The following TLR9 variants were observed in gnomAD, a reference collection of about 807,000 sequenced individuals.
TLR9 encodes the protein toll-like receptor 9.
In TLR9, 19 loss-of-function variants were observed where a neutral mutation model predicts 24.6. The observed-to-expected ratio is 0.77, with a 90% confidence interval of 0.54 to 1.13. The LOEUF (loss-of-function observed/expected upper bound fraction) is 1.13. TLR9 is among the 50% of genes most tolerant of loss of function. TLR9 has a pLI of 0.00. For missense variants in TLR9, 1,065 were observed against 1,379.6 expected, an observed-to-expected ratio of 0.77 and a Z score of 3.61; for synonymous variants, 579 against 609.8, an observed-to-expected ratio of 0.95 and a Z score of 0.74.
In TLR9 at chr3:52,221,621, G is replaced by A. The variant is rs781058107; in HGVS notation, c.2695C>T (p.Arg899Cys). 1.2e-6 allele frequency: 2 copies of A among 1,613,682 alleles called. No homozygotes were observed. Among genetic ancestry groups the A allele is most frequent in the South Asian group, 1.1e-5 (1 of 91,076 alleles). Residue 899 changes from arginine (R) to cysteine (C), a missense_variant, in exon 2 of 2, where the codon CGT becomes TGT. Coordinates refer to ENST00000360658, the MANE Select transcript of TLR9 (RefSeq NM_017442.4). The surrounding 1 kb of genome is among the most constrained non-coding windows in gnomAD (Gnocchi z 9.9). ...CACAGGCGGAGTGCCCAGCGCCCAC[G>A]GCACTCCTCCAGCTGCCCCCGAAGC... ...NELRGQLEEC[R>C]GRWALRLCLE...
chr3:52,221,941 C>T lies in TLR9; in HGVS notation c.2375G>A (p.Ser792Asn). ...PGLPSRVKCG[S>N]PGQLQGLSIF... is the part of the protein sequence containing the mutation. ...GCTGAGGCCCTGGAGCTGGCCCGGA[C>T]TGCCACACTTCACCCGGCTGGGCAG... The change falls in exon 2 of 2, where the codon AGT becomes AAT. Residue 792 changes from serine (S) to asparagine (N), a missense_variant. Transcript: ENST00000360658. The surrounding 1 kb of genome is among the most constrained non-coding windows in gnomAD (Gnocchi z 9.9). The T allele has an allele frequency of 6.2e-7, 1 of 1,612,254 alleles. No individual in the cohort carries two copies. The highest frequency in any genetic ancestry group is 8.5e-7 in the Non-Finnish European group (1 of 1,179,274).
rs55653700 is a variant in TLR9 at position 52,224,344 on chromosome 3, G to A, written c.4-32C>T. The A allele has an allele frequency of 7.2e-5, 109 of 1,519,912 alleles. No individual in the cohort carries two copies. In the South Asian group the frequency reaches 9.3e-4, roughly 13 times the overall value. The allele number at this position is 1,519,912 out of a possible 1,614,324, so 94.2% of individuals were successfully genotyped here. A position where few individuals can be genotyped will look rare whatever the true frequency, so the allele number is the denominator to read the frequency against. ...GGGTGGGAGGGCTGTGTGAGTGGCC[G>A]GCCCCCAGCTCTACCTCCACCCACT... On this transcript the variant is annotated intron_variant, in intron 1 of 1. Coordinates refer to ENST00000360658, the MANE Select transcript of TLR9 (RefSeq NM_017442.4).
rs267599888 is a variant in TLR9 at position 52,222,776 on chromosome 3, C to T, written c.1540G>A (p.Gly514Ser). 1 of 1,614,070 alleles carries T rather than the reference C, an allele frequency of 6.2e-7. No individual in the cohort carries two copies. Among genetic ancestry groups the T allele is most frequent in the East Asian group, 2.2e-5 (1 of 44,894 alleles). ...SHNCISQAVN[G>S]SQFLPLTGLQ... ...CCGGTCAGCGGCAGGAACTGGGAGC[C>T]ATTGACTGCCTGCGAGATGCAGTTG... Residue 514 changes from glycine (G) to serine (S), a missense_variant, in exon 2 of 2, where the codon GGC (glycine) becomes AGC (serine). Gly to Ser is a moderately conservative substitution (Grantham distance 56). Transcript: ENST00000360658.
At chr3:52,225,494 C>G (rs1699611475) in intron 1 of TLR9, 33 bp downstream of exon 1, 1 of 1,600,940 alleles carries the variant, frequency 6.2e-7, no homozygotes. Context: ...CAGGATATCC[C>G]CTTCCCCAGG....
rs1699566884 is a variant in TLR9, at chr3:52,222,242, G to T, written c.2074C>A (p.Leu692Met). 1 of 1,614,092 alleles carries T rather than the reference G, an allele frequency of 6.2e-7. No homozygotes were observed. The highest frequency in any genetic ancestry group is 1.7e-5 in the Admixed American group (1 of 60,010). The change falls in exon 2 of 2, where the codon CTG becomes ATG. Residue 692 changes from leucine (L) to methionine (M), a missense_variant. Coordinates refer to ENST00000360658, the MANE Select transcript of TLR9 (RefSeq NM_017442.4). ...CCAGCAGGCAGGCTGCCATTGGTCAGGGCCTTCAGCTGGTTTCCTGCCAGG... is the reference window on the plus strand; with the variant it reads ...CCAGCAGGCAGGCTGCCATTGGTCATGGCCTTCAGCTGGTTTCCTGCCAGG... The part of the protein sequence containing the change: ...LDLAGNQLKA[L>M]TNGSLPAGTR...
rs1699585185 is a variant in TLR9 at position 52,223,374 on chromosome 3, G to A, written c.942C>T (p.Asp314=). ...FRGLGNLRVL[D]LSENFLYKCI... ...ATTTGTAGAGGAAGTTCTCACTCAG[G>A]TCCAGCACTCGGAGGTTTCCCAGCC... The change falls in exon 2 of 2, where the codon GAC becomes GAT. Residue 314 remains aspartate, a synonymous_variant. Coordinates refer to ENST00000360658, the MANE Select transcript of TLR9 (RefSeq NM_017442.4). 8 of 1,614,092 alleles carry A rather than the reference G, an allele frequency of 5.0e-6. No homozygotes were observed. Among genetic ancestry groups the A allele is most frequent in the South Asian group, 3.3e-5 (3 of 91,086 alleles).
At position 52,223,962 on chromosome 3, in the gene TLR9, G is replaced by T; in HGVS notation, c.354C>A (p.Thr118=). The change falls in exon 2 of 2, where the codon ACC becomes ACA. Residue 118 remains threonine, a synonymous_variant. Transcript: ENST00000360658. ...CTTCCAGGGTGGGCACAGCCAAGAA[G>T]GTGCTGGGCTCGATGGTCATGTGGC... ...FPCHMTIEPS[T]FLAVPTLEEL... 1 of 1,593,320 alleles carries T rather than the reference G, an allele frequency of 6.3e-7. No individual in the cohort carries two copies. Among genetic ancestry groups the T allele is most frequent in the South Asian group, 1.1e-5 (1 of 88,900 alleles).
Position 52,223,669 on chromosome 3 carries a change from C to T in TLR9, c.647G>A (p.Arg216His), listed in dbSNP as rs749495421. 6.9e-6 allele frequency: 11 copies of T among 1,595,882 alleles called. No homozygotes were observed. In the East Asian group the frequency reaches 9.0e-5, roughly 13 times the overall value. ...ATACTCCAGGCTGGAAGGCAGGTTGCGGGGCACCACAGTGAGGTTGTTGTA... is the reference window on the plus strand; with the variant it reads ...ATACTCCAGGCTGGAAGGCAGGTTGTGGGGCACCACAGTGAGGTTGTTGTA... ...LKYNNLTVVP[R>H]NLPSSLEYLL... The change falls in exon 2 of 2, where the codon CGC (arginine) becomes CAC (histidine). Residue 216 changes from arginine (R) to histidine (H), a missense_variant. Physicochemically the swap from Arg to His is conservative, Grantham distance 29. Transcript: ENST00000360658.
chr3:52,222,530 A>T lies in TLR9; in HGVS notation c.1786T>A (p.Cys596Ser). 1 of 1,614,206 alleles carries T rather than the reference A, an allele frequency of 6.2e-7. No individual in the cohort carries two copies. The change falls in exon 2 of 2, where the codon TGC (cysteine) becomes AGC (serine). Residue 596 changes from cysteine to serine, a missense_variant. Physicochemically the swap from Cys to Ser is moderately radical, Grantham distance 112 (BLOSUM62 -1). Coordinates refer to ENST00000360658, the MANE Select transcript of TLR9 (RefSeq NM_017442.4). ...NIHSQVSQQL[C>S]STSLRALDFS... ...TCCAGGGCCCGCAGCGACGTACTGC[A>T]GAGCTGCTGGGACACTTGGCTGTGG...
In TLR9 at chr3:52,223,740, C is replaced by T. The variant is rs763698233; in HGVS notation, c.576G>A (p.Pro192=). ...GGTTGCCCAGGCCAAGGAGGGCACC[C>T]GGGGCCACCTCCAGTGCCTGCCTGC... ...NPCRQALEVA[P]GALLGLGNLT... The change falls in exon 2 of 2, where the codon CCG becomes CCA. Residue 192 remains proline (P), a synonymous_variant. Coordinates refer to ENST00000360658, the MANE Select transcript of TLR9 (RefSeq NM_017442.4). The T allele has an allele frequency of 1.9e-5, 30 of 1,570,824 alleles. No individual in the cohort carries two copies. Among genetic ancestry groups the T allele is most frequent in the Admixed American group, 5.5e-5 (3 of 54,278 alleles).
At position 52,221,145 on chromosome 3, in the gene TLR9, G is replaced by C; in HGVS notation, c.*72C>G. ...GGTGTGGGGTGAGGGAGGCGAGCAG[G>C]GGAGGGTCAGACCAGGCAGGCAGAG... is the stretch of plus-strand genomic sequence containing the variant. On this transcript the variant is annotated 3_prime_UTR_variant, in exon 2 of 2. Transcript: ENST00000360658. This position sits in a 1 kb window ranked among gnomAD's most constrained non-coding sequence, Gnocchi z 9.9. The C allele has an allele frequency of 3.6e-6, 5 of 1,402,352 alleles. No individual in the cohort carries two copies. The highest frequency in any genetic ancestry group is 4.8e-6 in the Non-Finnish European group (5 of 1,040,602). The allele number at this position is 1,402,352 out of a possible 1,614,324, so 86.9% of individuals were successfully genotyped here. A position where few individuals can be genotyped will look rare whatever the true frequency, so the allele number is the denominator to read the frequency against.
At chr3:52,224,943 G>A (rs1282466234) in intron 1 of TLR9, among the ~76,000 whole-genome samples, 1 of 152,226 alleles carries the variant, frequency 6.6e-6, no homozygotes, top group African/African-American at 2.4e-5. Context: ...GACAGAGCCA[G>A]CCCCAAGCTA....
rs1455049195 is a variant in TLR9 at position 52,222,746 on chromosome 3, G to A, written c.1570C>T (p.Gln524Ter). Residue 524 changes from glutamine (Q) to a stop codon, truncating the protein, a stop_gained, in exon 2 of 2, where the codon CAG becomes TAG. Transcript: ENST00000360658. LOFTEE classifies it low-confidence loss of function (END_TRUNC). ...GSQFLPLTGL[Q>*]VLDLSHNKLD... ...TTATTGTGGGACAGGTCTAGCACCT[G>A]CAGACCGGTCAGCGGCAGGAACTGG... 1 of 1,613,944 alleles carries A rather than the reference G, an allele frequency of 6.2e-7. No individual in the cohort carries two copies. Among genetic ancestry groups the A allele is most frequent in the Middle Eastern group, 1.7e-4 (1 of 6,060 alleles).
Position 52,224,068 on chromosome 3 carries a change from A to G in TLR9, c.248T>C (p.Phe83Ser), listed in dbSNP as rs751767849. ...NRIHHLHDSDFAHLPSLRHLN... is the reference protein window; with the variant it reads ...NRIHHLHDSDSAHLPSLRHLN... ...ATGCCGCAGGCTGGGCAGGTGGGCAAAGTCAGAATCATGGAGGTGGTGGAT... is the reference window on the plus strand; with the variant it reads ...ATGCCGCAGGCTGGGCAGGTGGGCAGAGTCAGAATCATGGAGGTGGTGGAT... Residue 83 changes from phenylalanine (F) to serine (S), a missense_variant, in exon 2 of 2, where the codon TTT becomes TCT. Coordinates refer to ENST00000360658, the MANE Select transcript of TLR9 (RefSeq NM_017442.4). The G allele has an allele frequency of 2.5e-6, 4 of 1,571,098 alleles. No individual in the cohort carries two copies. The East Asian group carries it at 9.0e-5, about 35-fold the overall frequency.
rs575749155 is a variant in TLR9 at position 52,222,732 on chromosome 3, C to T, written c.1584G>A (p.Leu528=). ...GGTAGAGGTCCAGCTTATTGTGGGA[C>T]AGGTCTAGCACCTGCAGACCGGTCA... The part of the protein sequence containing the change: ...LPLTGLQVLD[L]SHNKLDLYHE... The change falls in exon 2 of 2, where the codon CTG becomes CTA. Residue 528 remains leucine (L), a synonymous_variant. Coordinates refer to ENST00000360658, the MANE Select transcript of TLR9 (RefSeq NM_017442.4). The T allele has an allele frequency of 1.2e-6, 2 of 1,613,930 alleles. No homozygotes were observed. The highest frequency in any genetic ancestry group is 2.2e-5 in the South Asian group (2 of 91,088).
In TLR9 at chr3:52,223,709, G is replaced by A; in HGVS notation, c.607C>T (p.His203Tyr). 1 of 1,593,160 alleles carries A rather than the reference G, an allele frequency of 6.3e-7. No homozygotes were observed. The highest frequency in any genetic ancestry group is 8.6e-7 in the Non-Finnish European group (1 of 1,168,730). The change falls in exon 2 of 2, where the codon CAC becomes TAC. Residue 203 changes from histidine (H) to tyrosine (Y), a missense_variant. His to Tyr is a moderately conservative substitution (Grantham distance 83). Transcript: ENST00000360658. ...GALLGLGNLT[H>Y]LSLKYNNLTV... is the part of the protein sequence containing the mutation. ...AGGTTGTTGTACTTGAGTGACAGGT[G>A]GGTGAGGTTGCCCAGGCCAAGGAGG...
At position 52,221,327 on chromosome 3, in the gene TLR9, G is replaced by A. The variant is rs1577979246; in HGVS notation, c.2989C>T (p.His997Tyr). The change falls in exon 2 of 2, where the codon CAC becomes TAC. Residue 997 changes from histidine (H) to tyrosine (Y), a missense_variant. Transcript: ENST00000360658. This position sits in a 1 kb window ranked among gnomAD's most constrained non-coding sequence, Gnocchi z 9.9. The stretch of plus-strand genomic sequence containing the variant: ...AAGCTGCGCTGACCACTGGGCTGGT[G>A]GGGCCAGAGGAGGACACTCTGGCGG... ...LCRQSVLLWP[H>Y]QPSGQRSFWA... is the part of the protein sequence containing the mutation. 13 of 1,569,278 alleles carry A rather than the reference G, an allele frequency of 8.3e-6. No homozygotes were observed. Among genetic ancestry groups the A allele is most frequent in the South Asian group, 3.5e-5 (3 of 84,960 alleles).
chr3:52,224,049 C>T lies in TLR9; in HGVS notation c.267G>A (p.Leu89=). The change falls in exon 2 of 2, where the codon CTG becomes CTA. Residue 89 remains leucine, a synonymous_variant. Transcript: ENST00000360658. The part of the protein sequence containing the change: ...HDSDFAHLPS[L]RHLNLKWNCP... ...AGTTCCACTTGAGGTTGAGATGCCG[C>T]AGGCTGGGCAGGTGGGCAAAGTCAG... The T allele has an allele frequency of 6.3e-7, 1 of 1,575,596 alleles. No individual in the cohort carries two copies. The highest frequency in any genetic ancestry group is 8.6e-7 in the Non-Finnish European group (1 of 1,156,918).
Position 52,224,189 on chromosome 3 carries a change from C to A in TLR9, c.127G>T (p.Val43Leu). Residue 43 changes from valine (V) to leucine (L), a missense_variant, in exon 2 of 2, where the codon GTG becomes TTG. By Grantham distance (32) the Val-to-Leu change is conservative (BLOSUM62 1). Coordinates refer to ENST00000360658, the MANE Select transcript of TLR9 (RefSeq NM_017442.4). ...TTCAGGAACAGCCAGTTGCAGTTCA[C>A]CAGGCCGTGGGGCTGGAGCTCACAG... The part of the protein sequence containing the change: ...LPCELQPHGL[V>L]NCNWLFLKSV... The A allele has an allele frequency of 6.2e-7, 1 of 1,608,298 alleles. No individual in the cohort carries two copies. The highest frequency in any genetic ancestry group is 8.5e-7 in the Non-Finnish European group (1 of 1,176,304).
Sources: allele counts gnomAD v4.1 joint callset (sites outside exome capture counted in the v4.1 genomes callset), GRCh38; gene constraint gnomAD v4.1.1; non-coding constraint Gnocchi (gnomAD v3.1); transcripts MANE v1.5; gene names NCBI Gene and HGNC (gene_info 2026-07-23, HGNC 2026-07-21).